Variants in SH3RF3 observed in about 807,000 individuals in gnomAD.
SH3RF3 encodes the protein SH3 domain containing ring finger 3, also known as E3 ubiquitin-protein ligase SH3RF3.
SH3RF3 carries 29 observed loss-of-function variants against 66.3 expected under a neutral mutation model. The ratio of observed to expected loss-of-function variants is 0.44; its 90% CI spans 0.33 to 0.60. The LOEUF is 0.60. Among genes scored for constraint, SH3RF3 ranks in the 20% least tolerant of loss-of-function variants. The probability of loss-of-function intolerance (pLI) is 0.04; values close to 1 mark genes in which losing one functional copy is unlikely to be tolerated. For synonymous variants in SH3RF3, 583 were observed against 532.0 expected (o/e 1.10, Z -1.32); for missense variants, 1,194 against 1,190.9 (o/e 1.00, Z -0.04).
intron 1 of SH3RF3, among the ~76,000 whole-genome samples, chr2:109,255,038 A>G (rs573914060): frequency 6.6e-6 from 1 of 152,232 alleles, no homozygotes; most frequent in Admixed American, 6.5e-5. Flanking sequence ...TGGCTCCAAC[A>G]CTGTACAAGC....
chr2:109,207,022 C>T (rs1377832055), intron 1 of SH3RF3, among the ~76,000 whole-genome samples: 1 of 152,148 alleles, frequency 6.6e-6, no homozygotes, highest in Non-Finnish European at 1.5e-5. Flanking sequence ...AGGTGAGAAC[C>T]ACTCAGGGCC....
intron 1 of SH3RF3, among the ~76,000 whole-genome samples, chr2:109,319,282 G>T (rs1437020202): frequency 1.3e-5 from 2 of 152,198 alleles, no homozygotes; most frequent in African/African-American, 4.8e-5. Flanking sequence ...TTGGTTCCTG[G>T]CATCGTGATA....
chr2:109,281,593 G>A (rs1391806786), intron 1 of SH3RF3, among the ~76,000 whole-genome samples: 1 of 152,192 alleles, frequency 6.6e-6, no homozygotes, highest in East Asian at 1.9e-4. Context: ...CTCTGGGATC[G>A]AGCTCCAGGT....
chr2:109,334,442 G>T (rs1682359781), intron 1 of SH3RF3, among the ~76,000 whole-genome samples: 1 of 151,938 alleles, frequency 6.6e-6, no homozygotes. Flanking sequence ...CAGCCTTGTG[G>T]GTGTCTTGGC....
chr2:109,476,382 G>C (rs1005312496), intron 8 of SH3RF3, among the ~76,000 whole-genome samples: 13 of 152,150 alleles, frequency 8.5e-5, no homozygotes, highest in African/African-American at 3.1e-4. Context: ...GTAGCCCCTG[G>C]GTGAGGTACT....
intron 1 of SH3RF3, among the ~76,000 whole-genome samples, chr2:109,334,368 A>G (rs1682357876): frequency 1.4e-5 from 2 of 139,500 alleles, no homozygotes; most frequent in Non-Finnish European, 3.0e-5. Flanking sequence ...TAAAAAAAAA[A>G]AAAAAAAAAT....
At chr2:109,487,668 C>G (rs150102273) in intron 8 of SH3RF3, among the ~76,000 whole-genome samples, 2 of 152,280 alleles carry the variant, frequency 1.3e-5, no homozygotes, top group African/African-American at 4.8e-5. Flanking sequence ...AGTGAGGCAG[C>G]AGGGCCTCAG....
intron 1 of SH3RF3, among the ~76,000 whole-genome samples, chr2:109,186,987 T>C (rs1280857887): frequency 6.6e-6 from 1 of 152,128 alleles, no homozygotes; most frequent in Non-Finnish European, 1.5e-5. Context: ...CCCTAGAAGT[T>C]TGCTCGTCTC....
At chr2:109,457,446 A>G (rs973899193) in intron 8 of SH3RF3, among the ~76,000 whole-genome samples, 1 of 152,220 alleles carries the variant, frequency 6.6e-6, no homozygotes, top group South Asian at 2.1e-4. Context: ...AATGAAAAGG[A>G]TTTGTAAGTC....
chr2:109,231,274 G>A (rs867512136), intron 1 of SH3RF3, among the ~76,000 whole-genome samples: 9 of 152,228 alleles, frequency 5.9e-5, no homozygotes, highest in Non-Finnish European at 1.3e-4. Flanking sequence ...CAGCTGAGAG[G>A]AATTGGTGGG....
At chr2:109,232,654 A>C (rs1355432825) in intron 1 of SH3RF3, among the ~76,000 whole-genome samples, 2 of 152,162 alleles carry the variant, frequency 1.3e-5, no homozygotes, top group Non-Finnish European at 2.9e-5. Flanking sequence ...GTGATTGATT[A>C]ACAATGTTTT....
chr2:109,253,720 A>G (rs1237641514), intron 1 of SH3RF3, among the ~76,000 whole-genome samples: 1 of 152,186 alleles, frequency 6.6e-6, no homozygotes, highest in African/African-American at 2.4e-5. Context: ...ATAATAGAAC[A>G]GGTGGTTATT....
At chr2:109,401,629 G>C (rs1464069246) in intron 4 of SH3RF3, among the ~76,000 whole-genome samples, 1 of 152,208 alleles carries the variant, frequency 6.6e-6, no homozygotes, top group Admixed American at 6.5e-5. Flanking sequence ...TTGCAAAGCT[G>C]CTGCTGTGTC....
intron 3 of SH3RF3, among the ~76,000 whole-genome samples, chr2:109,392,625 TCTC>T (rs1204552111): frequency 6.6e-6 from 1 of 151,966 alleles, no homozygotes; most frequent in Non-Finnish European, 1.5e-5. Context: ...CGCCAGCCGT[TCTC>T]CTGCCTCAGC....
intron 8 of SH3RF3, among the ~76,000 whole-genome samples, chr2:109,468,780 G>C (rs1573277366): frequency 6.6e-6 from 1 of 150,804 alleles, no homozygotes; most frequent in Admixed American, 6.6e-5. Flanking sequence ...CTTGAGCCTG[G>C]GAGGTGGAGT....
chr2:109,416,472 C>T (rs1050834392), intron 4 of SH3RF3, among the ~76,000 whole-genome samples: 1 of 152,252 alleles, frequency 6.6e-6, no homozygotes, highest in African/African-American at 2.4e-5. Flanking sequence ...GCAACTTCCG[C>T]CTCCTGGGTT....
At chr2:109,232,843 G>A (rs1406017285) in intron 1 of SH3RF3, among the ~76,000 whole-genome samples, 2 of 152,072 alleles carry the variant, frequency 1.3e-5, no homozygotes, top group East Asian at 1.9e-4. Context: ...AAATTTTATC[G>A]AGGTTCAATT....
At chr2:109,451,249 C>G (rs370823674) in intron 8 of SH3RF3, among the ~76,000 whole-genome samples, 83 of 152,348 alleles carry the variant, frequency 5.4e-4, no homozygotes, top group African/African-American at 1.9e-3. Context: ...GTTTGAAGAT[C>G]AGTTCAGTCT....
At chr2:109,476,858 C>T (rs191546435) in intron 8 of SH3RF3, among the ~76,000 whole-genome samples, 66 of 152,308 alleles carry the variant, frequency 4.3e-4, no homozygotes, top group African/African-American at 1.4e-3. Flanking sequence ...TAAACCATAT[C>T]GGGTAACTTC....
Sources: gnomAD v4.1 joint callset for allele counts (sites outside exome capture counted in the v4.1 genomes callset) on GRCh38, gnomAD v4.1.1 for gene constraint, MANE v1.5 for transcripts, NCBI Gene and HGNC (gene_info 2026-07-23, HGNC 2026-07-21) for gene names.